FBXO31: variants seen among roughly 807,000 people sequenced by gnomAD.
The protein encoded by FBXO31 is F-box only protein 31.
FBXO31 carries 24 observed loss-of-function variants against 54.4 expected under a neutral mutation model. The ratio of observed to expected loss-of-function variants is 0.44; its 90% CI spans 0.32 to 0.62. The LOEUF is 0.62. Ranked by LOEUF, FBXO31 falls within the 20% of genes least tolerant of loss-of-function variation. The probability of loss-of-function intolerance (pLI) is 0.05; values close to 1 mark genes in which losing one functional copy is unlikely to be tolerated. For missense variants in FBXO31, 665 were observed against 787.1 expected (o/e 0.84, Z 1.86); for synonymous variants, 388 against 335.6 (o/e 1.16, Z -1.71).
In FBXO31 at chr16:87,335,499, C is replaced by T; in HGVS notation, c.843-42G>A. 1 of 1,578,404 alleles carries T rather than the reference C, an allele frequency of 6.3e-7. No homozygotes were observed. Among genetic ancestry groups the T allele is most frequent in the African/African-American group, 1.3e-5 (1 of 74,482 alleles). ...GGTCAGTACAGGAGACCTCGTGGGG[C>T]AGGCAGGACTGAGAACGCCCAAGGT... On this transcript the variant is annotated intron_variant, in intron 6 of 8. Coordinates refer to ENST00000311635, the MANE Select transcript of FBXO31 (RefSeq NM_024735.5). This position sits in a 1 kb window ranked among gnomAD's most constrained non-coding sequence, Gnocchi z 5.7.
intron 1 of FBXO31, among the ~76,000 whole-genome samples, chr16:87,389,308 G>T (rs1007387229): frequency 1.3e-5 from 2 of 152,176 alleles, no homozygotes; most frequent in African/African-American, 4.8e-5. Context: ...GAAGTTAGGC[G>T]TAGAAGTGTC....
chr16:87,333,314 G>T (rs961483162), intron 8 of FBXO31, among the ~76,000 whole-genome samples: 1 of 152,242 alleles, frequency 6.6e-6, no homozygotes, highest in African/African-American at 2.4e-5. Context: ...CACTCCACTG[G>T]CCACCAAGGC....
Position 87,338,289 on chromosome 16 carries a change from G to A in FBXO31, c.733-2025C>T, listed in dbSNP as rs539203486. 1.6e-4 allele frequency among the ~76,000 whole-genome samples: 24 copies of A among 151,526 alleles called. No individual in the cohort carries two copies. The highest frequency in any genetic ancestry group is 5.3e-4 in the African/African-American group (22 of 41,336). ...CATGCACGACAACGATCAACTTCAC[G>A]TTGACCCAGGGCCTGCTCACTCAAC... On this transcript the variant is annotated intron_variant, in intron 5 of 8. Coordinates refer to ENST00000311635, the MANE Select transcript of FBXO31 (RefSeq NM_024735.5). This position sits in a 1 kb window ranked among gnomAD's most constrained non-coding sequence, Gnocchi z 4.3.
chr16:87,388,270 T>G (rs1907394836), upstream of FBXO31, among the ~76,000 whole-genome samples: 1 of 152,248 alleles, frequency 6.6e-6, no homozygotes, highest in Admixed American at 6.5e-5. Context: ...CTGCTCTAGC[T>G]ACTTATTCCC....
chr16:87,369,905 T>G (rs1381719378), intron 1 of FBXO31, among the ~76,000 whole-genome samples: 1 of 152,210 alleles, frequency 6.6e-6, no homozygotes, highest in Non-Finnish European at 1.5e-5. Context: ...AAAGCTGTTT[T>G]GCCAAGAGGA....
rs776380834 is a variant in FBXO31 at position 87,334,166 on chromosome 16, C to T, written c.1117G>A (p.Val373Met). ...TGCTCCTGGCGCACCCTCTCGCGCA[C>T]CTCCAGGACGATGCGGGAGAGCTCA... ...FNELSRIVLE[V>M]RERVRQEQQE... Residue 373 changes from valine to methionine, a missense_variant, in exon 8 of 9, where the codon GTG becomes ATG. This residue lies in a region of FBXO31 where 165 missense variants were observed against 159.7 expected (regional missense o/e 1.03). Coordinates refer to ENST00000311635, the MANE Select transcript of FBXO31 (RefSeq NM_024735.5). 10 of 1,612,912 alleles carry T rather than the reference C, an allele frequency of 6.2e-6. No individual in the cohort carries two copies. Among genetic ancestry groups the T allele is most frequent in the African/African-American group, 1.3e-5 (1 of 75,062 alleles).
At chr16:87,373,586 G>C (rs1906695412) in intron 1 of FBXO31, among the ~76,000 whole-genome samples, 1 of 150,586 alleles carries the variant, frequency 6.6e-6, no homozygotes, top group Non-Finnish European at 1.5e-5. Flanking sequence ...CTGGAGTGCA[G>C]CGGTATGAAC....
chr16:87,377,683 G>A (rs926447078), intron 1 of FBXO31, among the ~76,000 whole-genome samples: 4 of 151,666 alleles, frequency 2.6e-5, no homozygotes, highest in African/African-American at 7.3e-5. Context: ...AAAAAAATTA[G>A]CTGGGTGTGG....
At chr16:87,368,892 C>T (rs990845370) in intron 1 of FBXO31, among the ~76,000 whole-genome samples, 2 of 152,128 alleles carry the variant, frequency 1.3e-5, no homozygotes, top group Admixed American at 6.5e-5. Flanking sequence ...CTCCACCTCC[C>T]AAGTTCAAGT....
intron 5 of FBXO31, among the ~76,000 whole-genome samples, chr16:87,337,865 ATTTTAGGACTCAAT>A (rs1458791366): frequency 6.6e-6 from 1 of 152,124 alleles, no homozygotes; most frequent in Non-Finnish European, 1.5e-5. Context: ...CAAACTGAGT[ATTTTAGGACTCAAT>A]TTTTAGGACT....
rs1350580272 is a variant in FBXO31 at position 87,338,233 on chromosome 16, C to CAAG, written c.733-1972_733-1970dup. The stretch of plus-strand genomic sequence containing the variant: ...TCATCAGAGCAACACATACAAGCCA[C>CAAG]AAGAAAAAAAAAAAAACAGGGAGCC... On this transcript the variant is annotated intron_variant, in intron 5 of 8. Coordinates refer to ENST00000311635, the MANE Select transcript of FBXO31 (RefSeq NM_024735.5). The surrounding 1 kb of genome is among the most constrained non-coding windows in gnomAD (Gnocchi z 4.3). 6.8e-6 allele frequency among the ~76,000 whole-genome samples: 1 copy of CAAG among 146,220 alleles called. No individual in the cohort carries two copies.
chr16:87,341,988 G>A (rs1038345449), intron 5 of FBXO31, among the ~76,000 whole-genome samples: 1 of 152,192 alleles, frequency 6.6e-6, no homozygotes, highest in Non-Finnish European at 1.5e-5. Context: ...AAGGTGGGAA[G>A]ACGGCTTGAG....
At chr16:87,366,049 A>T (rs975584780) in intron 1 of FBXO31, among the ~76,000 whole-genome samples, 3 of 152,120 alleles carry the variant, frequency 2.0e-5, no homozygotes, top group African/African-American at 7.2e-5. Flanking sequence ...AACAAAACAA[A>T]AAACAAATCG....
rs538362110 is a variant in FBXO31 at position 87,356,865 on chromosome 16, C to G, written c.412+3430G>C. Among the ~76,000 whole-genome samples the G allele has an allele frequency of 1.7e-3, 256 of 152,314 alleles. 1 individual carries two copies. Among genetic ancestry groups the G allele is most frequent in the African/African-American group, 5.9e-3 (244 of 41,576 alleles). Reference sequence around the variant, plus strand: ...CGAGCCTCTAGAAACTGCAACACAGCTTTTAGGGCAGGTAGGTGTTTTCAA... The same window carrying G: ...CGAGCCTCTAGAAACTGCAACACAGGTTTTAGGGCAGGTAGGTGTTTTCAA... On this transcript the variant is annotated intron_variant, in intron 2 of 8. Coordinates refer to ENST00000311635, the MANE Select transcript of FBXO31 (RefSeq NM_024735.5).
intron 2 of FBXO31, among the ~76,000 whole-genome samples, chr16:87,349,409 G>C (rs954878555): frequency 1.2e-4 from 18 of 152,186 alleles, no homozygotes; most frequent in Non-Finnish European, 2.2e-4. Flanking sequence ...AATGTCATGG[G>C]CCTGCAGATT....
intron 1 of FBXO31, among the ~76,000 whole-genome samples, chr16:87,373,125 G>A (rs933516747): frequency 4.6e-5 from 7 of 151,826 alleles, no homozygotes; most frequent in Non-Finnish European, 8.8e-5. Context: ...CCAAAGTGCT[G>A]AGATAACAGA....
At chr16:87,370,903 T>C (rs2150692716) in intron 1 of FBXO31, among the ~76,000 whole-genome samples, 1 of 152,328 alleles carries the variant, frequency 6.6e-6, no homozygotes, top group East Asian at 1.9e-4. Flanking sequence ...TTTCTGCTTC[T>C]GAGGCTAAAA....
chr16:87,371,379 C>T (rs930624518), intron 1 of FBXO31, among the ~76,000 whole-genome samples: 2 of 152,234 alleles, frequency 1.3e-5, no homozygotes, highest in East Asian at 1.9e-4. Context: ...CAGTGGTCAT[C>T]CCCGATACCA....
intron 1 of FBXO31, among the ~76,000 whole-genome samples, chr16:87,366,745 G>A (rs1033738717): frequency 6.6e-6 from 1 of 152,218 alleles, no homozygotes; most frequent in African/African-American, 2.4e-5. Context: ...CTGCTACATG[G>A]AGAGAGGGGA....
Sources: allele counts gnomAD v4.1 joint callset (sites outside exome capture counted in the v4.1 genomes callset), GRCh38; gene constraint gnomAD v4.1.1; regional missense constraint gnomAD v4.1.1; non-coding constraint Gnocchi (gnomAD v3.1); transcripts MANE v1.5; gene names NCBI Gene and HGNC (gene_info 2026-07-23, HGNC 2026-07-21).